The following DMD variants were observed in gnomAD, a reference collection of about 807,000 sequenced individuals.
DMD encodes the protein dystrophin, also known as mutant dystrophin.
Under a neutral mutation model 330.1 loss-of-function variants are expected in DMD, and 63 were observed. The ratio of observed to expected loss-of-function variants is 0.19; its 90% CI spans 0.16 to 0.24. The LOEUF is 0.24. Among genes scored for constraint, DMD ranks in the 10% least tolerant of loss-of-function variants. The probability of loss-of-function intolerance (pLI) is 1.00; values close to 1 mark genes in which losing one functional copy is unlikely to be tolerated. For missense variants in DMD, 3,344 were observed against 2,684.1 expected (o/e 1.25, Z -5.43); for synonymous variants, 1,223 against 959.8 (o/e 1.27, Z -5.07).
At chrX:32,110,104 C>T (rs2096582797) in intron 44 of DMD, among the ~76,000 whole-genome samples, 1 of 111,841 alleles carries the variant, frequency 8.9e-6, no homozygotes, top group Non-Finnish European at 1.9e-5. Context: ...TTTGATTTTG[C>T]CAGTCAAATT....
chrX:31,991,411 A>C (rs2095549767), intron 44 of DMD, among the ~76,000 whole-genome samples: 1 of 111,372 alleles, frequency 9.0e-6, no homozygotes, highest in Non-Finnish European at 1.9e-5. Context: ...GAGAAGGAAA[A>C]GTGTAGCCTG....
At chrX:31,697,545 C>G (rs1873420770) in intron 52 of DMD, among the ~76,000 whole-genome samples, 1 of 111,933 alleles carries the variant, frequency 8.9e-6, no homozygotes, top group African/African-American at 3.2e-5. Context: ...ACTCAGCAAT[C>G]ATGTCAAGAA....
chrX:33,179,189 A>G (rs1287260420), intron 1 of DMD, among the ~76,000 whole-genome samples: 1 of 112,037 alleles, frequency 8.9e-6, no homozygotes, highest in Non-Finnish European at 1.9e-5. Context: ...ATTTGAAATC[A>G]GATGACAAAC....
At chrX:33,021,891 G>A (rs1338684929) in intron 1 of DMD, among the ~76,000 whole-genome samples, 3 of 111,335 alleles carry the variant, frequency 2.7e-5, no homozygotes, top group Admixed American at 9.6e-5. Flanking sequence ...AAAACAGATA[G>A]TAATAGTTTT....
At chrX:32,808,627 C>T (rs1603431569) in intron 7 of DMD, among the ~76,000 whole-genome samples, 2 of 111,495 alleles carry the variant, frequency 1.8e-5, no homozygotes, top group Admixed American at 1.9e-4. Flanking sequence ...GAAAGATCTC[C>T]TGTTTTGGAA....
intron 62 of DMD, among the ~76,000 whole-genome samples, chrX:31,292,281 TA>T (rs763862377): frequency 8.2e-5 from 9 of 109,889 alleles, no homozygotes; most frequent in East Asian, 2.8e-4. Flanking sequence ...GATGAATCAA[TA>T]AAAAAAATAG....
At chrX:31,998,180 T>C (rs1422192085) in intron 44 of DMD, among the ~76,000 whole-genome samples, 8 of 111,843 alleles carry the variant, frequency 7.2e-5, no homozygotes, top group Non-Finnish European at 1.5e-4. Flanking sequence ...CTGAGTTTCT[T>C]TACCCTTTGG....
At chrX:32,475,313 G>T (rs942151890) in intron 21 of DMD, among the ~76,000 whole-genome samples, 2 of 111,006 alleles carry the variant, frequency 1.8e-5, no homozygotes, top group African/African-American at 6.5e-5. Flanking sequence ...TGTTCTTTTT[G>T]CTTAGTCTTG....
intron 45 of DMD, among the ~76,000 whole-genome samples, chrX:31,937,780 C>A (rs756719501): frequency 8.9e-6 from 1 of 111,949 alleles, no homozygotes; most frequent in Non-Finnish European, 1.9e-5. Context: ...TACCTACTTG[C>A]TTAATGCTTA....
At chrX:32,499,151 CTG>C (rs2043793103) in intron 19 of DMD, among the ~76,000 whole-genome samples, 1 of 111,521 alleles carries the variant, frequency 9.0e-6, no homozygotes, top group South Asian at 3.7e-4. Context: ...TAAAAGCAAA[CTG>C]ATGAATTACA....
intron 1 of DMD, among the ~76,000 whole-genome samples, chrX:33,097,510 G>C (rs749186746): frequency 7.6e-4 from 84 of 110,928 alleles, no homozygotes; most frequent in Non-Finnish European, 1.3e-3. Flanking sequence ...ATTTACATTG[G>C]GGTGGTAATT....
intron 2 of DMD, among the ~76,000 whole-genome samples, chrX:32,908,777 C>T (rs1046705379): frequency 1.2e-4 from 13 of 111,653 alleles, no homozygotes; most frequent in Admixed American, 1.1e-3. Context: ...AAGGATCTTC[C>T]AGATTCACAT....
At chrX:31,751,423 T>A (rs755306207) in intron 51 of DMD, among the ~76,000 whole-genome samples, 1 of 111,913 alleles carries the variant, frequency 8.9e-6, no homozygotes, top group African/African-American at 3.2e-5. Context: ...TTCCTTGCAG[T>A]CCTGTTTCTA....
Position 32,823,278 on chromosome X carries a change from T to C in DMD, c.357+17A>G, listed in dbSNP as rs756638850. 1 of 1,160,069 alleles carries C rather than the reference T, an allele frequency of 8.6e-7. No individual in the cohort carries two copies. Among genetic ancestry groups the C allele is most frequent in the Non-Finnish European group, 1.2e-6 (1 of 849,020 alleles). ...ATTAATGTTACCCAAAAGGAAACCA[T>C]TCATCAGGATTCTTACCTGCCAGTG... On this transcript the variant is annotated intron_variant, in intron 5 of 78. Transcript: ENST00000357033.
At chrX:32,796,320 A>G (rs1419715369) in intron 7 of DMD, among the ~76,000 whole-genome samples, 1 of 111,598 alleles carries the variant, frequency 9.0e-6, no homozygotes, top group Non-Finnish European at 1.9e-5. Context: ...CTGCACCAAC[A>G]TGAATGAAAC....
intron 2 of DMD, among the ~76,000 whole-genome samples, chrX:32,971,469 T>C (rs774255532): frequency 6.3e-5 from 7 of 111,425 alleles, no homozygotes; most frequent in East Asian, 2.8e-4. Flanking sequence ...AAAACCCTTA[T>C]GGAGTAAAAA....
chrX:31,407,932 C>A (rs759079004), intron 60 of DMD, among the ~76,000 whole-genome samples: 13 of 111,658 alleles, frequency 1.2e-4, no homozygotes, highest in Non-Finnish European at 2.4e-4. Flanking sequence ...AACCAGAAGA[C>A]AGACCCAATA....
At chrX:32,453,317 G>C (rs1264886471) in intron 26 of DMD, among the ~76,000 whole-genome samples, 1 of 110,638 alleles carries the variant, frequency 9.0e-6, no homozygotes, top group Non-Finnish European at 1.9e-5. Flanking sequence ...ATATGCTATT[G>C]CTAGATTAGA....
intron 52 of DMD, among the ~76,000 whole-genome samples, chrX:31,709,988 T>C (rs771728013): frequency 8.9e-6 from 1 of 111,875 alleles, no homozygotes; most frequent in Non-Finnish European, 1.9e-5. Flanking sequence ...TGGATAGTAA[T>C]AGCTATCTGC....
Sources: gnomAD v4.1 joint callset for allele counts (sites outside exome capture counted in the v4.1 genomes callset) on GRCh38, gnomAD v4.1.1 for gene constraint, MANE v1.5 for transcripts, NCBI Gene and HGNC (gene_info 2026-07-23, HGNC 2026-07-21) for gene names.